BRCA2: variants seen among roughly 807,000 people sequenced by gnomAD.
BRCA2 encodes the protein breast cancer type 2 susceptibility protein.
A neutral mutation model predicts 276.7 loss-of-function variants in BRCA2; 203 were observed. The ratio of observed to expected loss-of-function variants is 0.73; its 90% CI spans 0.65 to 0.82. The LOEUF (loss-of-function observed/expected upper bound fraction) is 0.82. BRCA2 is among the 40% of genes least tolerant of loss of function. The probability of loss-of-function intolerance (pLI) is 0.00; values close to 1 mark genes in which losing one functional copy is unlikely to be tolerated. For synonymous variants in BRCA2, 1,289 were observed against 1,338.4 expected (o/e 0.96, Z 0.81); for missense variants, 3,920 against 3,915.0 (o/e 1.00, Z -0.03).
intron 10 of BRCA2, among the ~76,000 whole-genome samples, 180 bp from the exon 11 acceptor site, chr13:32,336,085 G>A (rs1358786586): frequency 6.6e-6 from 1 of 152,042 alleles, no homozygotes; most frequent in Non-Finnish European, 1.5e-5. Flanking sequence ...TCACTATGTT[G>A]CCCAGGCTAG....
At chr13:32,351,789 AT>A (rs1046375212) in intron 13 of BRCA2, among the ~76,000 whole-genome samples, 65 of 151,818 alleles carry the variant, frequency 4.3e-4, no homozygotes, top group African/African-American at 1.5e-3. Context: ...GTTACATTTT[AT>A]TTTATTTTAT....
intron 16 of BRCA2, among the ~76,000 whole-genome samples, chr13:32,358,345 A>G (rs906835244): frequency 6.6e-6 from 1 of 151,482 alleles, no homozygotes; most frequent in Admixed American, 6.6e-5. Context: ...GCGTGGTGGC[A>G]GGCACCTGTA....
At position 32,396,878 on chromosome 13, in the gene BRCA2, T is replaced by C. The variant is rs190307229; in HGVS notation, c.9502-20T>C. ...GTGGGTTTGCAATTTATAAAGCAGC[T>C]TTTCCACTTATTTTCTTAGAATATT... On this transcript the variant is annotated intron_variant, in intron 25 of 26. Coordinates refer to ENST00000380152, the MANE Select transcript of BRCA2 (RefSeq NM_000059.4). The C allele has an allele frequency of 6.2e-7, 1 of 1,613,902 alleles. No homozygotes were observed. Among genetic ancestry groups the C allele is most frequent in the East Asian group, 2.2e-5 (1 of 44,862 alleles).
chr13:32,325,690 G>A (rs1227759344), intron 4 of BRCA2, among the ~76,000 whole-genome samples: 2 of 151,666 alleles, frequency 1.3e-5, no homozygotes, highest in Admixed American at 6.6e-5. Flanking sequence ...ACAGGCGCCC[G>A]CCACCATGCC....
intron 3 of BRCA2, among the ~76,000 whole-genome samples, chr13:32,323,558 G>A (rs569384536): frequency 6.6e-6 from 1 of 152,066 alleles, no homozygotes; most frequent in Non-Finnish European, 1.5e-5. Context: ...GTTGAAGTGG[G>A]GTTTTTAAGT....
chr13:32,338,004 A>G lies in BRCA2; in HGVS notation c.3649A>G (p.Arg1217Gly). The part of the protein sequence containing the change: ...YLTDENEVGF[R>G]GFYSAHGTKL... ...AACAGATGAAAATGAAGTGGGGTTT[A>G]GGGGCTTTTATTCTGCTCATGGCAC... is the stretch of plus-strand genomic sequence containing the variant. Residue 1217 changes from arginine (R) to glycine (G), a missense_variant, in exon 11 of 27, where the codon AGG becomes GGG. Arg to Gly is a moderately radical substitution (Grantham distance 125, BLOSUM62 -2). Transcript: ENST00000380152. 1 of 1,613,282 alleles carries G rather than the reference A, an allele frequency of 6.2e-7. No individual in the cohort carries two copies. The highest frequency in any genetic ancestry group is 8.5e-7 in the Non-Finnish European group (1 of 1,179,496).
chr13:32,356,474 A>T lies in BRCA2; in HGVS notation c.7482A>T (p.Arg2494=), dbSNP rs2072695976. 1 of 1,614,050 alleles carries T rather than the reference A, an allele frequency of 6.2e-7. No individual in the cohort carries two copies. The highest frequency in any genetic ancestry group is 8.5e-7 in the Non-Finnish European group (1 of 1,179,980). The stretch of plus-strand genomic sequence containing the variant: ...ATGCCAGAGATATACAGGATATGCG[A>T]ATTAAGAAGAAACAAAGGCAACGCG... ...LQNARDIQDM[R]IKKKQRQRVF... Residue 2494 remains arginine, a synonymous_variant, in exon 15 of 27, where the codon CGA becomes CGT. Transcript: ENST00000380152.
At position 32,379,251 on chromosome 13, in the gene BRCA2, T is replaced by C. The variant is rs4942486; in HGVS notation, c.8755-66T>C. ...TGTATTTGTCCTGTTTAAAGCCATC[T>C]AGTTACAATAGATGGAACTTTTTTG... On this transcript the variant is annotated intron_variant, in intron 21 of 26. Coordinates refer to ENST00000380152, the MANE Select transcript of BRCA2 (RefSeq NM_000059.4). 0.52 allele frequency: 781,947 copies of C among 1,499,332 alleles called. 205,081 individuals are homozygous for C. The highest frequency in any genetic ancestry group is 0.6 in the East Asian group (26,164 of 43,326). 92.9% of individuals were successfully genotyped at this position (1,499,332 alleles called of 1,614,324 possible).
At chr13:32,396,276 T>A (rs2073036664) in intron 25 of BRCA2, among the ~76,000 whole-genome samples, 1 of 152,134 alleles carries the variant, frequency 6.6e-6, no homozygotes, top group African/African-American at 2.4e-5. Flanking sequence ...GCCCGCATTT[T>A]CTCTGAGACG....
rs786203045 is a variant in BRCA2, at chr13:32,337,038, G to A, written c.2683G>A (p.Ala895Thr). ...DNENNFVFQV[A>T]NERNNLALGN... ...TGAGAATAATTTTGTCTTCCAAGTA[G>A]CTAATGAAAGGAATAATCTTGCTTT... Residue 895 changes from alanine (A) to threonine (T), a missense_variant, in exon 11 of 27, where the codon GCT becomes ACT. By Grantham distance (58) the Ala-to-Thr change is moderately conservative (BLOSUM62 0). Transcript: ENST00000380152. 1.9e-6 allele frequency: 3 copies of A among 1,599,332 alleles called. No individual in the cohort carries two copies. Among genetic ancestry groups the A allele is most frequent in the Non-Finnish European group, 2.6e-6 (3 of 1,175,194 alleles).
chr13:32,336,832 A>C lies in BRCA2; in HGVS notation c.2477A>C (p.Glu826Ala), dbSNP rs1214763097. 6.2e-7 allele frequency: 1 copy of C among 1,602,694 alleles called. No individual in the cohort carries two copies. Among genetic ancestry groups the C allele is most frequent in the Non-Finnish European group, 8.5e-7 (1 of 1,177,180 alleles). ...EKNQDVCALN[E>A]NYKNVELLPP... ...AATCAAGATGTATGTGCTTTAAATG[A>C]AAATTATAAAAACGTTGAGCTGTTG... is the stretch of plus-strand genomic sequence containing the variant. The change falls in exon 11 of 27, where the codon GAA becomes GCA. Residue 826 changes from glutamate (E) to alanine (A), a missense_variant. This residue lies in a region of BRCA2 where 3,263 missense variants were observed against 3,156.9 expected (regional missense o/e 1.03). Transcript: ENST00000380152.
intron 20 of BRCA2, chr13:32,375,519 A>G (rs2072865124): frequency 7.6e-6 from 2 of 262,242 alleles, no homozygotes; most frequent in Admixed American, 4.8e-5. Context: ...ACCCATATCT[A>G]TCAGAGAAAT....
Position 32,344,720 on chromosome 13 carries a change from A to C in BRCA2, c.6937+67A>C. ...GTATGGTATATAATATTCTGACCTC[A>C]GGTGATCCACCTGCCTCTCAAAGTG... is the stretch of plus-strand genomic sequence containing the variant. On this transcript the variant is annotated intron_variant, in intron 12 of 26. Transcript: ENST00000380152. 8.6e-7 allele frequency: 1 copy of C among 1,156,290 alleles called. No homozygotes were observed. The highest frequency in any genetic ancestry group is 1.3e-6 in the Non-Finnish European group (1 of 782,670). The allele number at this position is 1,156,290 out of a possible 1,614,324, so 71.6% of individuals were successfully genotyped here. A position where few individuals can be genotyped will look rare whatever the true frequency, so the allele number is the denominator to read the frequency against.
intron 24 of BRCA2, among the ~76,000 whole-genome samples, chr13:32,393,005 G>A (rs962672047): frequency 2.0e-5 from 3 of 152,026 alleles, no homozygotes; most frequent in East Asian, 1.9e-4. Flanking sequence ...ATTTGAGTTC[G>A]TCTGATGTTT....
In BRCA2 at chr13:32,379,996, G is replaced by A. The variant is rs878853617; in HGVS notation, c.9118-11G>A. The A allele has an allele frequency of 6.2e-7, 1 of 1,613,656 alleles. No individual in the cohort carries two copies. Among genetic ancestry groups the A allele is most frequent in the African/African-American group, 1.3e-5 (1 of 74,874 alleles). On this transcript the variant is annotated splice_polypyrimidine_tract_variant and intron_variant, in intron 23 of 26. Transcript: ENST00000380152. ...TCTCCATATGTTGAATTTTTGTTTT[G>A]TTTTCTGTAGGTTTCAGATGAAATT...
At chr13:32,319,040 C>T (rs2138703302) in intron 2 of BRCA2, 37 bp from the exon 3 acceptor site, 1 of 1,608,548 alleles carries the variant, frequency 6.2e-7, no homozygotes, top group Non-Finnish European at 8.5e-7. Flanking sequence ...TTGTCTGTCA[C>T]TGGTTAAAAC....
At chr13:32,386,716 C>T (rs1027574290) in intron 24 of BRCA2, among the ~76,000 whole-genome samples, 1 of 152,124 alleles carries the variant, frequency 6.6e-6, no homozygotes, top group Non-Finnish European at 1.5e-5. Flanking sequence ...ATTTCTCCCC[C>T]CCTTAGTTAC....
rs876660228 is a variant in BRCA2 at position 32,339,547 on chromosome 13, ATC to A, written c.5197_5198del (p.Ser1733ArgfsTer9). 1 of 1,605,748 alleles carries A rather than the reference ATC, an allele frequency of 6.2e-7. No individual in the cohort carries two copies. Among genetic ancestry groups the A allele is most frequent in the Non-Finnish European group, 8.5e-7 (1 of 1,176,186 alleles). On this transcript the variant is annotated frameshift_variant, in exon 11 of 27. Coordinates refer to ENST00000380152, the MANE Select transcript of BRCA2 (RefSeq NM_000059.4). LOFTEE classifies it high-confidence loss of function. ...ACTATAGCTGAAAATGACAAAAATC[ATC>A]TCTCCGAAAAACAAGATACTTATTT...
chr13:32,365,581 A>G (rs2072775929), intron 18 of BRCA2, among the ~76,000 whole-genome samples: 1 of 151,922 alleles, frequency 6.6e-6, no homozygotes. Flanking sequence ...GGGTTTCACC[A>G]TATTGGCCAG....
Sources: gnomAD v4.1 joint callset for allele counts (sites outside exome capture counted in the v4.1 genomes callset) on GRCh38, gnomAD v4.1.1 for gene constraint, gnomAD v4.1.1 regional missense constraint, MANE v1.5 for transcripts, NCBI Gene and HGNC (gene_info 2026-07-23, HGNC 2026-07-21) for gene names.